DCDC2C: variants seen among roughly 807,000 people sequenced by gnomAD.
DCDC2C encodes the protein doublecortin domain containing 2C, also known as doublecortin domain-containing protein 2C.
In DCDC2C, 44 loss-of-function variants were observed where a neutral mutation model predicts 45.0. The ratio of observed to expected loss-of-function variants is 0.98; its 90% CI spans 0.77 to 1.26. DCDC2C has a LOEUF of 1.26. Among genes scored for constraint, DCDC2C ranks in the 50% most tolerant of loss-of-function variants. The probability of loss-of-function intolerance (pLI) is 0.00; values close to 1 mark genes in which losing one functional copy is unlikely to be tolerated. For synonymous variants in DCDC2C, 187 were observed against 178.8 expected, an observed-to-expected ratio of 1.05 and a Z score of -0.37; for missense variants, 447 against 468.9, an observed-to-expected ratio of 0.95 and a Z score of 0.43.
At chr2:3,825,596 G>A (rs1163068022) in intron 10 of DCDC2C, among the ~76,000 whole-genome samples, 1 of 152,116 alleles carries the variant, frequency 6.6e-6, no homozygotes, top group Non-Finnish European at 1.5e-5. Flanking sequence ...TGACCCATGG[G>A]GATTAGTATG....
intron 4 of DCDC2C, among the ~76,000 whole-genome samples, chr2:3,750,741 T>C (rs1326002894): frequency 6.6e-6 from 1 of 152,194 alleles, no homozygotes; most frequent in Non-Finnish European, 1.5e-5. Context: ...ATGGACTCTT[T>C]TACCTGTGGC....
At chr2:3,765,852 C>A (rs1002650120) in intron 6 of DCDC2C, among the ~76,000 whole-genome samples, 1 of 152,148 alleles carries the variant, frequency 6.6e-6, no homozygotes, top group Admixed American at 6.5e-5. Context: ...GGACAGGGCA[C>A]CCCTCTTGGG....
At chr2:3,772,202 A>G (rs1384686995) in intron 8 of DCDC2C, among the ~76,000 whole-genome samples, 1 of 152,202 alleles carries the variant, frequency 6.6e-6, no homozygotes, top group Non-Finnish European at 1.5e-5. Flanking sequence ...ATCCCAGGCC[A>G]TTGCTTCGTG....
intron 8 of DCDC2C, among the ~76,000 whole-genome samples, chr2:3,773,082 C>T (rs6705742): frequency 0.48 from 72,792 of 151,916 alleles, 17,707 homozygotes; most frequent in East Asian, 0.67. Context: ...TTGTCCTGAA[C>T]TAAGTGGTTG....
At chr2:3,760,554 C>T (rs571227948) in intron 6 of DCDC2C, among the ~76,000 whole-genome samples, 4 of 152,180 alleles carry the variant, frequency 2.6e-5, no homozygotes, top group African/African-American at 4.8e-5. Flanking sequence ...TGGAAACCAC[C>T]ATTCTCAGCA....
intron 6 of DCDC2C, among the ~76,000 whole-genome samples, chr2:3,755,825 T>C (rs1202458734): frequency 6.6e-6 from 1 of 152,112 alleles, no homozygotes; most frequent in African/African-American, 2.4e-5. Flanking sequence ...CATGTGTGCA[T>C]GAGTACATAT....
At chr2:3,843,239 T>C (rs1314738895) in intron 10 of DCDC2C, among the ~76,000 whole-genome samples, 1 of 152,140 alleles carries the variant, frequency 6.6e-6, no homozygotes, top group Non-Finnish European at 1.5e-5. Flanking sequence ...GACAGATTCC[T>C]GGGAGTGGAC....
chr2:3,774,095 G>A lies in DCDC2C; in HGVS notation c.954+4684G>A, dbSNP rs140882787. ...ACCAAAGAGAAACCAAAATAATTGG[G>A]ACTAATTAGGAGAAGGTCAATCTAA... On this transcript the variant is annotated intron_variant, in intron 8 of 10. Transcript: ENST00000399143. 3.1e-3 allele frequency among the ~76,000 whole-genome samples: 470 copies of A among 152,294 alleles called. 2 individuals are homozygous for A. Among genetic ancestry groups the A allele is most frequent in the Non-Finnish European group, 5.5e-3 (374 of 68,018 alleles).
At chr2:3,806,545 CTTT>C (rs34504660) in intron 10 of DCDC2C, among the ~76,000 whole-genome samples, 33 of 143,332 alleles carry the variant, frequency 2.3e-4, no homozygotes, top group East Asian at 4.1e-4. Context: ...CTTTGAGTGT[CTTT>C]TTTTTTTTTT....
At chr2:3,794,193 A>G (rs575552061) in intron 10 of DCDC2C, among the ~76,000 whole-genome samples, 1 of 152,324 alleles carries the variant, frequency 6.6e-6, no homozygotes, top group South Asian at 2.1e-4. Context: ...TGAGTTATGC[A>G]AATGTTCAAT....
chr2:3,827,373 A>G (rs894857531), intron 10 of DCDC2C, among the ~76,000 whole-genome samples: 18 of 152,130 alleles, frequency 1.2e-4, no homozygotes, highest in African/African-American at 4.3e-4. Context: ...CCGGGGAGAC[A>G]GGAACACAAG....
chr2:3,705,385 T>C (rs1175338715), intron 1 of DCDC2C, among the ~76,000 whole-genome samples: 1 of 152,214 alleles, frequency 6.6e-6, no homozygotes, highest in Non-Finnish European at 1.5e-5. Context: ...TATAGCCATG[T>C]GATTTGTGAT....
chr2:3,790,012 G>A (rs1245444324), intron 10 of DCDC2C, among the ~76,000 whole-genome samples: 1 of 152,164 alleles, frequency 6.6e-6, no homozygotes, highest in Non-Finnish European at 1.5e-5. Flanking sequence ...TTGCTTTTTA[G>A]TCTTCTTGTC....
At chr2:3,840,057 T>G (rs902151608) in intron 10 of DCDC2C, among the ~76,000 whole-genome samples, 1 of 152,212 alleles carries the variant, frequency 6.6e-6, no homozygotes, top group Non-Finnish European at 1.5e-5. Context: ...GTGGAAAAGT[T>G]TTATTGCATT....
chr2:3,757,769 A>G (rs1205240973), intron 6 of DCDC2C, among the ~76,000 whole-genome samples: 14 of 152,220 alleles, frequency 9.2e-5, no homozygotes, highest in Admixed American at 9.2e-4. Context: ...ATTAAATCCC[A>G]GTAATTAAAT....
At chr2:3,704,794 A>T (rs1420176320) in intron 1 of DCDC2C, among the ~76,000 whole-genome samples, 1 of 150,748 alleles carries the variant, frequency 6.6e-6, no homozygotes, top group African/African-American at 2.4e-5. Context: ...GAAATCGCTC[A>T]GGGTGACCCC....
chr2:3,767,379 G>A (rs1670042042), intron 6 of DCDC2C, among the ~76,000 whole-genome samples: 1 of 152,226 alleles, frequency 6.6e-6, no homozygotes, highest in African/African-American at 2.4e-5. Flanking sequence ...TTGAACAGCA[G>A]TTTTTATTCA....
At chr2:3,825,252 CTA>C (rs1464555522) in intron 10 of DCDC2C, among the ~76,000 whole-genome samples, 3 of 152,176 alleles carry the variant, frequency 2.0e-5, no homozygotes, top group Non-Finnish European at 4.4e-5. Flanking sequence ...CTGCAGTCAC[CTA>C]TATGCACCAA....
chr2:3,834,342 C>T (rs1322300009), intron 10 of DCDC2C, among the ~76,000 whole-genome samples: 1 of 152,172 alleles, frequency 6.6e-6, no homozygotes, highest in Non-Finnish European at 1.5e-5. Flanking sequence ...CCGTGTCCCC[C>T]CATCCACTCC....
Sources: allele counts gnomAD v4.1 joint callset (sites outside exome capture counted in the v4.1 genomes callset), GRCh38; gene constraint gnomAD v4.1.1; transcripts MANE v1.5; gene names NCBI Gene and HGNC (gene_info 2026-07-23, HGNC 2026-07-21).